The following SSBP2 variants were observed in gnomAD, a reference collection of about 807,000 sequenced individuals.
The protein encoded by SSBP2 is single stranded DNA binding protein 2, also known as single-stranded DNA-binding protein 2.
In SSBP2, 17 loss-of-function variants were observed where a neutral mutation model predicts 61.8. That is an observed-to-expected ratio of 0.28 (90% CI 0.19 to 0.41). The LOEUF (loss-of-function observed/expected upper bound fraction) is 0.41. Ranked by LOEUF, SSBP2 falls within the 10% of genes least tolerant of loss-of-function variation. The pLI, the probability that SSBP2 is intolerant of heterozygous loss-of-function variation, is 1.00. For synonymous variants in SSBP2, 139 were observed against 141.3 expected, an observed-to-expected ratio of 0.98 and a Z score of 0.12; for missense variants, 310 against 458.7, an observed-to-expected ratio of 0.68 and a Z score of 2.96.
At chr5:81,479,452 G>C (rs567847764) in intron 6 of SSBP2, among the ~76,000 whole-genome samples, 1 of 151,934 alleles carries the variant, frequency 6.6e-6, no homozygotes, top group Non-Finnish European at 1.5e-5. Flanking sequence ...TACCTCGCCT[G>C]GCTAATTTGT....
At chr5:81,429,911 T>C (rs765868650) in intron 15 of SSBP2, among the ~76,000 whole-genome samples, 7 of 152,170 alleles carry the variant, frequency 4.6e-5, no homozygotes, top group Non-Finnish European at 8.8e-5. Context: ...CTGAAGTCCA[T>C]TGGAGCTCTC....
intron 1 of SSBP2, among the ~76,000 whole-genome samples, chr5:81,728,170 G>A (rs1162617520): frequency 6.6e-6 from 1 of 152,186 alleles, no homozygotes; most frequent in African/African-American, 2.4e-5. Context: ...GTAATGGGGA[G>A]TGACATGACA....
At chr5:81,537,506 T>C (rs962177777) in intron 4 of SSBP2, among the ~76,000 whole-genome samples, 3 of 152,178 alleles carry the variant, frequency 2.0e-5, no homozygotes, top group Non-Finnish European at 4.4e-5. Flanking sequence ...TTTATTGCAC[T>C]TCACAGATAT....
chr5:81,612,657 A>C (rs992293298), intron 4 of SSBP2, among the ~76,000 whole-genome samples: 10 of 152,086 alleles, frequency 6.6e-5, no homozygotes, highest in African/African-American at 1.7e-4. Flanking sequence ...TAATAAGACT[A>C]ATTTTAAACA....
chr5:81,576,676 AAATACT>A (rs528454963), intron 4 of SSBP2, among the ~76,000 whole-genome samples: 37 of 152,088 alleles, frequency 2.4e-4, no homozygotes, highest in Non-Finnish European at 4.6e-4. Flanking sequence ...AAACTTTACC[AAATACT>A]GCCTAAAGCT....
intron 4 of SSBP2, among the ~76,000 whole-genome samples, chr5:81,515,686 T>C (rs1169838924): frequency 6.6e-6 from 1 of 151,906 alleles, no homozygotes; most frequent in Admixed American, 6.6e-5. Flanking sequence ...TTGCTTATTT[T>C]TTTTTTCTTT....
intron 1 of SSBP2, among the ~76,000 whole-genome samples, chr5:81,653,863 A>C (rs1191113749): frequency 6.6e-6 from 1 of 152,130 alleles, no homozygotes; most frequent in Non-Finnish European, 1.5e-5. Flanking sequence ...GATAGAACCA[A>C]TCTCCAATAT....
chr5:81,553,116 G>A (rs1772332591), intron 4 of SSBP2, among the ~76,000 whole-genome samples: 2 of 152,092 alleles, frequency 1.3e-5, no homozygotes, highest in Non-Finnish European at 2.9e-5. Context: ...GGCCTTGGGT[G>A]AGTCACTTAA....
chr5:81,496,096 A>C (rs1767254609), intron 5 of SSBP2, among the ~76,000 whole-genome samples: 1 of 152,234 alleles, frequency 6.6e-6, no homozygotes, highest in Non-Finnish European at 1.5e-5. Context: ...TACAGGACTT[A>C]TGTAATTTAA....
At chr5:81,500,751 G>T (rs1580847815) in intron 5 of SSBP2, among the ~76,000 whole-genome samples, 3 of 151,942 alleles carry the variant, frequency 2.0e-5, no homozygotes, top group Non-Finnish European at 4.4e-5. Flanking sequence ...CAGCCACTGT[G>T]CCCAGCCCAG....
At chr5:81,604,695 T>C (rs1430378189) in intron 4 of SSBP2, among the ~76,000 whole-genome samples, 3 of 152,172 alleles carry the variant, frequency 2.0e-5, no homozygotes, top group African/African-American at 7.2e-5. Flanking sequence ...ATGCATTAGC[T>C]TGCACAGTCT....
At chr5:81,671,880 G>A (rs1362106359) in intron 1 of SSBP2, among the ~76,000 whole-genome samples, 10 of 152,092 alleles carry the variant, frequency 6.6e-5, no homozygotes, top group Non-Finnish European at 1.5e-4. Flanking sequence ...GGAATTAAGG[G>A]AAATGGGATA....
intron 1 of SSBP2, among the ~76,000 whole-genome samples, chr5:81,679,134 G>C (rs1752205523): frequency 6.6e-6 from 1 of 152,178 alleles, no homozygotes; most frequent in African/African-American, 2.4e-5. Context: ...TCACCTTCCA[G>C]AGTAGGTGGG....
chr5:81,702,373 A>AC (rs879256766), intron 1 of SSBP2, among the ~76,000 whole-genome samples: 3,072 of 151,696 alleles, frequency 0.02, 242 homozygotes, highest in Admixed American at 0.15. Flanking sequence ...CCCATCTCAA[A>AC]AAAACAAACA....
In SSBP2 at chr5:81,519,432, A is replaced by G. The variant is rs184652155; in HGVS notation, c.283-5715T>C. On this transcript the variant is annotated intron_variant, in intron 4 of 16. Coordinates refer to ENST00000320672, the MANE Select transcript of SSBP2 (RefSeq NM_012446.5). ...ACACTGCTAAGTAGACCACAAAAATATGTTTTTCCTTTCTTCTACCAGCCA... is the reference window on the plus strand; with the variant it reads ...ACACTGCTAAGTAGACCACAAAAATGTGTTTTTCCTTTCTTCTACCAGCCA... 3.7e-3 allele frequency among the ~76,000 whole-genome samples: 568 copies of G among 152,270 alleles called. 1 individual carries two copies. Among genetic ancestry groups the G allele is most frequent in the Non-Finnish European group, 5.7e-3 (391 of 68,004 alleles).
chr5:81,658,157 C>G (rs1750386585), intron 1 of SSBP2, among the ~76,000 whole-genome samples: 1 of 152,144 alleles, frequency 6.6e-6, no homozygotes, highest in African/African-American at 2.4e-5. Flanking sequence ...TACAATAGAT[C>G]TCTTGAATGT....
chr5:81,551,697 C>T (rs1001329003), intron 4 of SSBP2, among the ~76,000 whole-genome samples: 2 of 151,996 alleles, frequency 1.3e-5, no homozygotes, highest in East Asian at 1.9e-4. Flanking sequence ...TTGTTGGTCA[C>T]GTGACATTTA....
chr5:81,620,357 G>C (rs1417966865), intron 3 of SSBP2, among the ~76,000 whole-genome samples: 1 of 141,564 alleles, frequency 7.1e-6, no homozygotes, highest in East Asian at 2.1e-4. Flanking sequence ...ATTCACAATT[G>C]CTTCAAAGAG....
chr5:81,603,668 T>C (rs989396926), intron 4 of SSBP2, among the ~76,000 whole-genome samples: 1 of 152,170 alleles, frequency 6.6e-6, no homozygotes, highest in African/African-American at 2.4e-5. Context: ...GTGACAGTAA[T>C]ATATACCATA....
Sources: gnomAD v4.1 joint callset for allele counts (sites outside exome capture counted in the v4.1 genomes callset) on GRCh38, gnomAD v4.1.1 for gene constraint, MANE v1.5 for transcripts, NCBI Gene and HGNC (gene_info 2026-07-23, HGNC 2026-07-21) for gene names.